Variants in ADCY9 observed in about 807,000 individuals in gnomAD.
The protein encoded by ADCY9 is adenylate cyclase type 9.
Under a neutral mutation model 101.5 loss-of-function variants are expected in ADCY9, and 50 were observed. The observed-to-expected ratio is 0.49, with a 90% CI of 0.39 to 0.62. ADCY9 has a LOEUF of 0.62. Ranked by LOEUF, ADCY9 falls within the 20% of genes least tolerant of loss-of-function variation. The pLI is 0.00. For synonymous variants in ADCY9, 905 were observed against 769.3 expected (o/e 1.18, Z -2.92); for missense variants, 1,662 against 1,800.4 (o/e 0.92, Z 1.39).
chr16:4,010,533 C>G (rs1316915873), intron 2 of ADCY9, among the ~76,000 whole-genome samples: 1 of 152,202 alleles, frequency 6.6e-6, no homozygotes, highest in Non-Finnish European at 1.5e-5. Flanking sequence ...ATTTATTAAG[C>G]ACTTCCTGTT....
At position 3,992,737 on chromosome 16, in the gene ADCY9, G is replaced by A. The variant is rs1416114863; in HGVS notation, c.1990-374C>T. Among the ~76,000 whole-genome samples, 1 of 152,128 alleles carries A rather than the reference G, an allele frequency of 6.6e-6. No individual in the cohort carries two copies. Among genetic ancestry groups the A allele is most frequent in the African/African-American group, 2.4e-5 (1 of 41,432 alleles). Reference sequence around the variant, plus strand: ...TGGGAGCAGGGTGCATGGGTCGGGGGTCCAGGAGAAGTATGACGAGGGGTC... The same window carrying A: ...TGGGAGCAGGGTGCATGGGTCGGGGATCCAGGAGAAGTATGACGAGGGGTC... On this transcript the variant is annotated intron_variant, in intron 4 of 10. Transcript: ENST00000294016. This position sits in a 1 kb window ranked among gnomAD's most constrained non-coding sequence, Gnocchi z 4.2.
chr16:3,988,867 G>C (rs1487467565), intron 6 of ADCY9, 127 bp downstream of exon 6: 2 of 751,358 alleles, frequency 2.7e-6, no homozygotes. Flanking sequence ...AGGGTTTACA[G>C]AGTGTGGGAA....
intron 2 of ADCY9, among the ~76,000 whole-genome samples, chr16:4,035,387 G>A (rs2056582459): frequency 6.6e-6 from 1 of 152,038 alleles, no homozygotes; most frequent in African/African-American, 2.4e-5. Context: ...AATGATATGT[G>A]GGTATTAAAT....
intron 7 of ADCY9, chr16:3,982,840 T>C (rs1046143630): frequency 4.9e-6 from 1 of 203,886 alleles, no homozygotes; most frequent in Admixed American, 5.4e-5. Context: ...GTGGAGATGC[T>C]GTTTGGCTCC....
intron 2 of ADCY9, among the ~76,000 whole-genome samples, chr16:4,020,015 C>T (rs1365006101): frequency 6.6e-6 from 1 of 152,008 alleles, no homozygotes; most frequent in Non-Finnish European, 1.5e-5. Context: ...TGGGTGAAGG[C>T]TGCAGTGAGC....
chr16:3,974,415 T>G (rs2056077214), intron 10 of ADCY9, among the ~76,000 whole-genome samples: 1 of 152,250 alleles, frequency 6.6e-6, no homozygotes, highest in Non-Finnish European at 1.5e-5. Context: ...TTTCCTTTGT[T>G]GCATGCGAAA....
At chr16:3,975,558 G>A (rs2056086403) in intron 9 of ADCY9, among the ~76,000 whole-genome samples, 1 of 152,118 alleles carries the variant, frequency 6.6e-6, no homozygotes, top group Non-Finnish European at 1.5e-5. Flanking sequence ...TTCAAGCAGA[G>A]GTCCTTGGCA....
At chr16:4,060,260 G>T (rs1445927953) in intron 2 of ADCY9, among the ~76,000 whole-genome samples, 1 of 152,198 alleles carries the variant, frequency 6.6e-6, no homozygotes, top group Non-Finnish European at 1.5e-5. Flanking sequence ...GAATAAGGGA[G>T]CTATCACGGG....
chr16:3,998,096 C>T (rs2056302019), intron 3 of ADCY9, among the ~76,000 whole-genome samples: 1 of 151,848 alleles, frequency 6.6e-6, no homozygotes, highest in African/African-American at 2.4e-5. Flanking sequence ...TCCTCAGCTA[C>T]CTTCCTTTTG....
At chr16:4,016,119 T>C (rs1054369035) in intron 2 of ADCY9, among the ~76,000 whole-genome samples, 1 of 152,198 alleles carries the variant, frequency 6.6e-6, no homozygotes, top group Non-Finnish European at 1.5e-5. Flanking sequence ...CAGCTGTGAA[T>C]GTGAGGACAG....
At chr16:4,045,315 G>T (rs1351381570) in intron 2 of ADCY9, among the ~76,000 whole-genome samples, 1 of 151,960 alleles carries the variant, frequency 6.6e-6, no homozygotes, top group African/African-American at 2.4e-5. Flanking sequence ...AGCCAAACGC[G>T]GCTGGGCACG....
chr16:3,995,235 C>T (rs2056277539), intron 3 of ADCY9, among the ~76,000 whole-genome samples: 1 of 152,022 alleles, frequency 6.6e-6, no homozygotes, highest in Non-Finnish European at 1.5e-5. Flanking sequence ...TGAGGCCAGC[C>T]TGGGCAACAT....
At position 3,979,285 on chromosome 16, in the gene ADCY9, G is replaced by C. The variant is rs2056120309; in HGVS notation, c.2520-10C>G. 2 of 1,613,332 alleles carry C rather than the reference G, an allele frequency of 1.2e-6. No homozygotes were observed. The highest frequency in any genetic ancestry group is 2.7e-5 in the African/African-American group (2 of 75,050). On this transcript the variant is annotated splice_polypyrimidine_tract_variant and intron_variant, in intron 7 of 10. Coordinates refer to ENST00000294016, the MANE Select transcript of ADCY9 (RefSeq NM_001116.4). ...CAGGAAGAACACCATCCTGCGAGAG[G>C]CATGGGGGTTAGCAGGAGCGACGGG...
At chr16:4,087,946 G>A in intron 2 of ADCY9, among the ~76,000 whole-genome samples, 1 of 117,090 alleles carries the variant, frequency 8.5e-6, no homozygotes, top group Non-Finnish European at 1.8e-5. Flanking sequence ...CTTTTTTTTT[G>A]TTTTTTTGCG....
At chr16:3,970,759 G>A (rs1187732890) in intron 10 of ADCY9, among the ~76,000 whole-genome samples, 3 of 152,236 alleles carry the variant, frequency 2.0e-5, no homozygotes, top group Non-Finnish European at 4.4e-5. Context: ...AGCCCTGGCC[G>A]TGGGTGGAAC....
chr16:4,001,755 G>GTT (rs755749399), intron 3 of ADCY9, among the ~76,000 whole-genome samples: 1 of 93,902 alleles, frequency 1.1e-5, no homozygotes, highest in Non-Finnish European at 2.5e-5. Context: ...TTTTTTTATT[G>GTT]TTTTTTTTTT....
chr16:4,063,335 G>C (rs1386858334), intron 2 of ADCY9, among the ~76,000 whole-genome samples: 2 of 152,018 alleles, frequency 1.3e-5, no homozygotes, highest in African/African-American at 4.8e-5. Context: ...TTAGGATGCA[G>C]CTATGAGAAG....
chr16:4,041,965 C>A (rs1051735551), intron 2 of ADCY9, among the ~76,000 whole-genome samples: 2 of 148,424 alleles, frequency 1.3e-5, no homozygotes, highest in Non-Finnish European at 3.0e-5. Flanking sequence ...GCTCTGTCGC[C>A]CAGGCTGAAG....
intron 2 of ADCY9, among the ~76,000 whole-genome samples, chr16:4,040,414 T>C: frequency 6.6e-6 from 1 of 152,090 alleles, no homozygotes; most frequent in African/African-American, 2.4e-5. Flanking sequence ...TTCCTCTTCT[T>C]CTTTACTTAA....
Sources: gnomAD v4.1 joint callset for allele counts (sites outside exome capture counted in the v4.1 genomes callset) on GRCh38, gnomAD v4.1.1 for gene constraint, Gnocchi (gnomAD v3.1) non-coding constraint, MANE v1.5 for transcripts, NCBI Gene and HGNC (gene_info 2026-07-23, HGNC 2026-07-21) for gene names.